Variants in CEP192 observed in about 807,000 individuals in gnomAD.
CEP192 encodes the protein centrosomal protein 192.
A neutral mutation model predicts 271.8 loss-of-function variants in CEP192; 151 were observed. That is an observed-to-expected ratio of 0.56 (90% CI 0.49 to 0.64). CEP192 has a LOEUF of 0.64. Ranked by LOEUF, CEP192 falls within the 30% of genes least tolerant of loss-of-function variation. The pLI is 0.00. For missense variants in CEP192, 2,910 were observed against 3,020.5 expected (o/e 0.96, Z 0.86); for synonymous variants, 995 against 1,076.5 (o/e 0.92, Z 1.48).
chr18:13,115,224 TG>T (rs1475154899), intron 42 of CEP192, among the ~76,000 whole-genome samples: 1 of 152,184 alleles, frequency 6.6e-6, no homozygotes, highest in African/African-American at 2.4e-5. Context: ...AGCTCCCTTC[TG>T]GAGACACAGC....
At chr18:13,055,599 A>G (rs2037051560) in intron 18 of CEP192, among the ~76,000 whole-genome samples, 181 bp from the exon 19 acceptor site, 1 of 152,208 alleles carries the variant, frequency 6.6e-6, no homozygotes, top group Non-Finnish European at 1.5e-5. Flanking sequence ...AACAAGCACA[A>G]ATTTTCTAAT....
At chr18:13,011,468 A>G (rs377275600) in intron 4 of CEP192, among the ~76,000 whole-genome samples, 1 of 152,150 alleles carries the variant, frequency 6.6e-6, no homozygotes, top group East Asian at 1.9e-4. Context: ...TTGCACTCCT[A>G]GGTATATACC....
At chr18:13,057,360 A>T (rs2037168920) in intron 19 of CEP192, among the ~76,000 whole-genome samples, 1 of 151,604 alleles carries the variant, frequency 6.6e-6, no homozygotes, top group African/African-American at 2.4e-5. Context: ...TGTGAGTTTG[A>T]TCCAATTTTA....
At position 13,072,802 on chromosome 18, in the gene CEP192, A is replaced by G; in HGVS notation, c.5396A>G (p.His1799Arg). ...AATAATTCTGCATCTACAACTCAAC[A>G]TTTACGACTGCTTATTAGAGGACAA... is the stretch of plus-strand genomic sequence containing the variant. ...LRNNSASTTQHLRLLIRGQDQ... is the reference protein window; with the variant it reads ...LRNNSASTTQRLRLLIRGQDQ... Residue 1799 changes from histidine (H) to arginine (R), a missense_variant, in exon 29 of 45, where the codon CAT becomes CGT. Transcript: ENST00000506447. 3 of 1,613,256 alleles carry G rather than the reference A, an allele frequency of 1.9e-6. No individual in the cohort carries two copies. The South Asian group carries it at 3.3e-5, about 18-fold the overall frequency.
intron 11 of CEP192, among the ~76,000 whole-genome samples, chr18:13,033,775 A>C (rs1000975930): frequency 6.6e-6 from 1 of 152,220 alleles, no homozygotes; most frequent in Non-Finnish European, 1.5e-5. Context: ...CACTGGAATA[A>C]ATTAAAGATA....
intron 4 of CEP192, among the ~76,000 whole-genome samples, chr18:13,009,755 C>G (rs528539328): frequency 6.6e-6 from 1 of 152,144 alleles, no homozygotes; most frequent in African/African-American, 2.4e-5. Flanking sequence ...ATCGCTTGAA[C>G]CCGGGAGGCG....
In CEP192 at chr18:13,117,748, C is replaced by T. The variant is rs1378304685; in HGVS notation, c.7475+105C>T. The stretch of plus-strand genomic sequence containing the variant: ...CCTCTGCTGCAGGTCCTCCATATTC[C>T]TCACCAGCACCAAACAGCATTAGGC... On this transcript the variant is annotated intron_variant, in intron 44 of 44. Coordinates refer to ENST00000506447, the MANE Select transcript of CEP192 (RefSeq NM_032142.4). 7.6e-6 allele frequency: 6 copies of T among 785,134 alleles called. No homozygotes were observed. In the Admixed American group the frequency reaches 1.3e-4, roughly 17 times the overall value. The allele number at this position is 785,134 out of a possible 1,614,324, so 48.6% of individuals were successfully genotyped here.
intron 9 of CEP192, among the ~76,000 whole-genome samples, chr18:13,023,082 T>C (rs1208109763): frequency 6.6e-6 from 1 of 152,194 alleles, no homozygotes; most frequent in East Asian, 1.9e-4. Flanking sequence ...GTCAGTTCTT[T>C]TGGATTTTCT....
In CEP192 at chr18:13,055,961, G is replaced by T. The variant is rs2037072469; in HGVS notation, c.3371G>T (p.Ser1124Ile). ...AAAGCAACTGAAACTACTTCTCTGA[G>T]TAGCAAGCCTGAATATGTAAAACCT... ...TRKATETTSL[S>I]SKPEYVKPDF... The change falls in exon 19 of 45, where the codon AGT becomes ATT. Residue 1124 changes from serine to isoleucine, a missense_variant. Ser to Ile is a moderately radical substitution (Grantham distance 142). Transcript: ENST00000506447. The T allele has an allele frequency of 1.2e-6, 2 of 1,614,080 alleles. No individual in the cohort carries two copies. Among genetic ancestry groups the T allele is most frequent in the African/African-American group, 2.7e-5 (2 of 74,934 alleles).
chr18:12,997,573 A>G (rs2033335756), intron 1 of CEP192, among the ~76,000 whole-genome samples: 2 of 152,188 alleles, frequency 1.3e-5, no homozygotes, highest in Non-Finnish European at 2.9e-5. Flanking sequence ...AGGAGAGATA[A>G]GGCTTACTAG....
intron 34 of CEP192, among the ~76,000 whole-genome samples, 164 bp from the exon 35 acceptor site, chr18:13,095,339 T>C (rs1309072850): frequency 1.3e-5 from 2 of 152,220 alleles, no homozygotes; most frequent in Non-Finnish European, 2.9e-5. Context: ...TGAATAACTT[T>C]TATTCACTAA....
chr18:13,117,831 G>A (rs560842176), intron 44 of CEP192, among the ~76,000 whole-genome samples, 188 bp downstream of exon 44: 40 of 152,310 alleles, frequency 2.6e-4, no homozygotes, highest in African/African-American at 9.4e-4. Context: ...GCTCCTGACC[G>A]TCCGTGGTGC....
intron 44 of CEP192, among the ~76,000 whole-genome samples, chr18:13,121,346 T>C (rs1002249872): frequency 2.0e-5 from 3 of 152,186 alleles, no homozygotes; most frequent in African/African-American, 2.4e-5. Flanking sequence ...CTTACAAATA[T>C]GCACTTTTTC....
intron 2 of CEP192, among the ~76,000 whole-genome samples, chr18:13,000,091 C>CTTTTTTTTTTTTTTT (rs775544715): frequency 2.6e-5 from 2 of 76,750 alleles, no homozygotes; most frequent in African/African-American, 4.3e-5. Context: ...TGTCTTCTCT[C>CTTTTTTTTTTTTTTT]TTTTTTTTTT....
intron 3 of CEP192, among the ~76,000 whole-genome samples, chr18:13,005,415 T>C (rs1388857078): frequency 1.3e-5 from 2 of 152,130 alleles, no homozygotes; most frequent in Non-Finnish European, 2.9e-5. Flanking sequence ...TTTTAGGAGC[T>C]GAAAATCAGT....
rs1240969173 is a variant in CEP192, at chr18:13,042,096, A to G, written c.1937-108A>G. ...TGAAGGCAACTGACATTTGGGGTACAAAGACATCTTCCTTGGTAAATTAGT... is the reference window on the plus strand; with the variant it reads ...TGAAGGCAACTGACATTTGGGGTACGAAGACATCTTCCTTGGTAAATTAGT... On this transcript the variant is annotated intron_variant, in intron 14 of 44. Coordinates refer to ENST00000506447, the MANE Select transcript of CEP192 (RefSeq NM_032142.4). 1.1e-5 allele frequency: 9 copies of G among 841,698 alleles called. No individual in the cohort carries two copies. In the East Asian group the frequency reaches 2.5e-4, roughly 23 times the overall value. The allele number at this position is 841,698 out of a possible 1,614,324, so 52.1% of individuals were successfully genotyped here.
At chr18:13,009,386 C>G (rs2034195305) in intron 4 of CEP192, among the ~76,000 whole-genome samples, 1 of 152,142 alleles carries the variant, frequency 6.6e-6, no homozygotes, top group Admixed American at 6.5e-5. Flanking sequence ...ACTTTTCTCC[C>G]ACTAATTAAT....
intron 38 of CEP192, among the ~76,000 whole-genome samples, chr18:13,101,419 G>A (rs761483972): frequency 3.3e-5 from 5 of 152,130 alleles, no homozygotes; most frequent in Non-Finnish European, 5.9e-5. Context: ...GAGCATTCGT[G>A]TTCAGTAATG....
chr18:13,044,015 T>A (rs77212122), intron 15 of CEP192, among the ~76,000 whole-genome samples: 6,632 of 152,248 alleles, frequency 0.044, 214 homozygotes, highest in East Asian at 0.14. Flanking sequence ...AATCCAATTA[T>A]ATACTCTTAG....
Sources: gnomAD v4.1 joint callset for allele counts (sites outside exome capture counted in the v4.1 genomes callset) on GRCh38, gnomAD v4.1.1 for gene constraint, MANE v1.5 for transcripts, NCBI Gene and HGNC (gene_info 2026-07-23, HGNC 2026-07-21) for gene names.